NBEA: variants seen among roughly 807,000 people sequenced by gnomAD.
The protein encoded by NBEA is lysosomal-trafficking regulator 2.
In NBEA, 44 loss-of-function variants were observed where a neutral mutation model predicts 343.4. The observed-to-expected ratio is 0.13, with a 90% CI of 0.10 to 0.16. NBEA has a LOEUF of 0.16. Among genes scored for constraint, NBEA ranks in the 10% least tolerant of loss-of-function variants. The pLI, the probability that NBEA is intolerant of heterozygous loss-of-function variation, is 1.00. For missense variants in NBEA, 2,555 were observed against 3,631.3 expected (o/e 0.70, Z 7.62); for synonymous variants, 1,175 against 1,238.7 (o/e 0.95, Z 1.08).
chr13:34,971,273 G>A (rs1036944907), intron 1 of NBEA, among the ~76,000 whole-genome samples: 1 of 151,970 alleles, frequency 6.6e-6, no homozygotes, highest in Non-Finnish European at 1.5e-5. Context: ...AGAAGCTTTT[G>A]GGCTAAGATG....
intron 34 of NBEA, among the ~76,000 whole-genome samples, chr13:35,272,806 A>G (rs768550699): frequency 6.6e-6 from 1 of 152,224 alleles, no homozygotes; most frequent in African/African-American, 2.4e-5. Flanking sequence ...AGAGCTAACT[A>G]TCCTAAATAT....
At chr13:35,414,968 T>C (rs1474604280) in intron 38 of NBEA, among the ~76,000 whole-genome samples, 1 of 152,208 alleles carries the variant, frequency 6.6e-6, no homozygotes, top group Non-Finnish European at 1.5e-5. Flanking sequence ...TTGATTTGCA[T>C]TTCTCTGATG....
At chr13:35,251,293 C>A in intron 34 of NBEA, 3 of 667,180 alleles carry the variant, frequency 4.5e-6, no homozygotes, top group Non-Finnish European at 5.7e-6. Flanking sequence ...TCATAGTATG[C>A]CAGCATCCCT....
chr13:34,959,979 A>G (rs762769393), intron 1 of NBEA, among the ~76,000 whole-genome samples: 3 of 152,100 alleles, frequency 2.0e-5, no homozygotes, highest in Non-Finnish European at 4.4e-5. Flanking sequence ...TCATTATTTT[A>G]GCAAGAACTC....
intron 38 of NBEA, among the ~76,000 whole-genome samples, chr13:35,419,481 T>A (rs902760694): frequency 6.6e-6 from 1 of 152,060 alleles, no homozygotes. Context: ...TTTCAACATA[T>A]GAATTTTGGA....
At chr13:35,620,130 CG>C (rs1172780959) in intron 48 of NBEA, among the ~76,000 whole-genome samples, 1 of 151,934 alleles carries the variant, frequency 6.6e-6, no homozygotes, top group Admixed American at 6.6e-5. Context: ...TTGAGTGTTC[CG>C]GGTGATGTTT....
chr13:35,210,031 A>C (rs2073661367), intron 32 of NBEA, among the ~76,000 whole-genome samples: 1 of 152,092 alleles, frequency 6.6e-6, no homozygotes. Context: ...TCTTTTACTA[A>C]AGTATATACG....
chr13:35,428,327 T>G (rs1250992648), intron 38 of NBEA, among the ~76,000 whole-genome samples: 1 of 152,178 alleles, frequency 6.6e-6, no homozygotes, highest in African/African-American at 2.4e-5. Flanking sequence ...CTGCCGACTT[T>G]CTCCTCTCCT....
At chr13:35,061,214 C>T (rs958947788) in intron 8 of NBEA, among the ~76,000 whole-genome samples, 1 of 151,566 alleles carries the variant, frequency 6.6e-6, no homozygotes, top group African/African-American at 2.4e-5. Context: ...TGGTTTTGAG[C>T]GTTGCAGTTT....
chr13:34,989,816 C>A (rs1013358678), intron 1 of NBEA, among the ~76,000 whole-genome samples: 1 of 150,894 alleles, frequency 6.6e-6, no homozygotes, highest in Non-Finnish European at 1.5e-5. Context: ...TGCCTATGAG[C>A]CTGTAAAACC....
At chr13:35,095,678 G>T (rs1414878352) in intron 10 of NBEA, among the ~76,000 whole-genome samples, 4 of 151,840 alleles carry the variant, frequency 2.6e-5, no homozygotes, top group African/African-American at 4.8e-5. Context: ...AAGTAGAATT[G>T]CTACTTACAG....
chr13:35,278,101 ATATAT>A lies in NBEA; in HGVS notation c.5777-12287_5777-12283del, dbSNP rs1373787648. On this transcript the variant is annotated intron_variant, in intron 34 of 58. Coordinates refer to ENST00000379939, the MANE Select transcript of NBEA (RefSeq NM_001385012.1). ...AAACTCCATCTCAAAAAATATATATATATATAAAATATATATATATACATAAAATA... is the reference window on the plus strand; with the variant it reads ...AAACTCCATCTCAAAAAATATATATAAAAATATATATATATACATAAAATA... 4.1e-5 allele frequency among the ~76,000 whole-genome samples: 6 copies of A among 147,776 alleles called. No individual in the cohort carries two copies. The East Asian group carries it at 1.2e-3, about 29-fold the overall frequency.
intron 35 of NBEA, among the ~76,000 whole-genome samples, chr13:35,299,453 CATAG>C (rs1274661451): frequency 6.6e-6 from 1 of 152,126 alleles, no homozygotes; most frequent in Non-Finnish European, 1.5e-5. Context: ...GTGAAGAGAA[CATAG>C]GGATTTTATC....
intron 16 of NBEA, among the ~76,000 whole-genome samples, chr13:35,119,747 G>A (rs1477196257): frequency 2.6e-5 from 4 of 151,990 alleles, no homozygotes; most frequent in Admixed American, 6.6e-5. Flanking sequence ...CACAATGCCC[G>A]GCTAATTTTT....
chr13:35,392,251 G>A (rs1291654017), intron 38 of NBEA, among the ~76,000 whole-genome samples: 1 of 152,030 alleles, frequency 6.6e-6, no homozygotes, highest in Admixed American at 6.6e-5. Flanking sequence ...TTACTTGCTA[G>A]TACTGTAATA....
chr13:34,999,508 A>G (rs1359250565), intron 1 of NBEA, among the ~76,000 whole-genome samples: 3 of 152,100 alleles, frequency 2.0e-5, no homozygotes, highest in East Asian at 3.8e-4. Flanking sequence ...CTTTTTTAAA[A>G]ATCACCTTCT....
intron 18 of NBEA, among the ~76,000 whole-genome samples, chr13:35,152,008 G>A (rs138600593): frequency 2.6e-5 from 4 of 152,184 alleles, no homozygotes; most frequent in African/African-American, 9.6e-5. Context: ...GTAAATCTCA[G>A]CAATAATATC....
intron 34 of NBEA, among the ~76,000 whole-genome samples, chr13:35,240,865 C>A (rs916731777): frequency 6.6e-6 from 1 of 151,614 alleles, no homozygotes; most frequent in Admixed American, 6.6e-5. Flanking sequence ...TTAGTGGTTG[C>A]AAGGATGTTC....
chr13:35,484,209 T>A (rs2076221145), intron 41 of NBEA, among the ~76,000 whole-genome samples: 1 of 151,106 alleles, frequency 6.6e-6, no homozygotes, highest in South Asian at 2.1e-4. Flanking sequence ...AGAAAAAATT[T>A]ACTTAAATAT....
Sources: allele counts gnomAD v4.1 joint callset (sites outside exome capture counted in the v4.1 genomes callset), GRCh38; gene constraint gnomAD v4.1.1; transcripts MANE v1.5; gene names NCBI Gene and HGNC (gene_info 2026-07-23, HGNC 2026-07-21).